The following PAPPA variants were observed in gnomAD, a reference collection of about 807,000 sequenced individuals.
PAPPA encodes pappalysin 1.
In PAPPA, 60 loss-of-function variants were observed where a neutral mutation model predicts 164.0. That is an observed-to-expected ratio of 0.37 (90% CI 0.30 to 0.45). The LOEUF (loss-of-function observed/expected upper bound fraction) is 0.45. Among genes scored for constraint, PAPPA ranks in the 20% least tolerant of loss-of-function variants. The pLI is 1.00. For synonymous variants in PAPPA, 875 were observed against 814.1 expected, an observed-to-expected ratio of 1.07 and a Z score of -1.27; for missense variants, 1,782 against 2,087.3, an observed-to-expected ratio of 0.85 and a Z score of 2.85.
rs369378738 is a variant in PAPPA at position 116,347,101 on chromosome 9, A to T, written c.3856A>T (p.Ser1286Cys). The T allele has an allele frequency of 1.2e-6, 2 of 1,614,192 alleles. No homozygotes were observed. Among genetic ancestry groups the T allele is most frequent in the Admixed American group, 1.7e-5 (1 of 60,030 alleles). The change falls in exon 15 of 22, where the codon AGC becomes TGC. Residue 1286 changes from serine (S) to cysteine (C), a missense_variant. This residue lies in a region of PAPPA where 1,324 missense variants were observed against 1,656.9 expected (regional missense o/e 0.80). Coordinates refer to ENST00000328252, the MANE Select transcript of PAPPA (RefSeq NM_002581.5). The surrounding 1 kb of genome is among the most constrained non-coding windows in gnomAD (Gnocchi z 4.5). ...GGTGGCCTGTGAGCCAGTCGACTGC[A>T]GCATCCCAGATCACCATCAAGTCTA... Reference protein sequence around the residue: ...KQVACEPVDCSIPDHHQVYAA... With the variant: ...KQVACEPVDCCIPDHHQVYAA...
chr9:116,305,535 G>A (rs1456512160), intron 10 of PAPPA, among the ~76,000 whole-genome samples: 1 of 152,018 alleles, frequency 6.6e-6, no homozygotes, highest in African/African-American at 2.4e-5. Context: ...TAGGAGCATG[G>A]GAGTACCAAA....
At chr9:116,337,512 TA>T (rs1199775306) in intron 13 of PAPPA, among the ~76,000 whole-genome samples, 1 of 152,216 alleles carries the variant, frequency 6.6e-6, no homozygotes, top group African/African-American at 2.4e-5. Context: ...CATCACTTTT[TA>T]TAACACAAAT....
In PAPPA at chr9:116,271,565, C is replaced by A; in HGVS notation, c.2953+149C>A. 1 of 644,066 alleles carries A rather than the reference C, an allele frequency of 1.6e-6. No individual in the cohort carries two copies. The highest frequency in any genetic ancestry group is 2.6e-5 in the Admixed American group (1 of 38,134). 39.9% of individuals were successfully genotyped at this position (644,066 alleles called of 1,614,324 possible). A position where few individuals can be genotyped will look rare whatever the true frequency, so the allele number is the denominator to read the frequency against. On this transcript the variant is annotated intron_variant, in intron 9 of 21. Transcript: ENST00000328252. This position sits in a 1 kb window ranked among gnomAD's most constrained non-coding sequence, Gnocchi z 4.2. ...TATTGAGTGCCTCCTACATGCCAGG[C>A]ACTGTTTTCAATATCGGGAAATACA...
Position 116,235,451 on chromosome 9 carries a change from A to T in PAPPA, c.2546A>T (p.Glu849Val). ...LTIRLWDVGEEVYGIQIYTLD... is the reference protein window; with the variant it reads ...LTIRLWDVGEVVYGIQIYTLD... ...ATCAGACTCTGGGACGTGGGCGAGGAGGTGTATGGCATCCAAATCTACACG... is the reference window on the plus strand; with the variant it reads ...ATCAGACTCTGGGACGTGGGCGAGGTGGTGTATGGCATCCAAATCTACACG... The change falls in exon 7 of 22, where the codon GAG (glutamate) becomes GTG (valine). Residue 849 changes from glutamate (E) to valine (V), a missense_variant. Physicochemically the swap from Glu to Val is moderately radical, Grantham distance 121. Transcript: ENST00000328252. 6.2e-7 allele frequency: 1 copy of T among 1,613,432 alleles called. No homozygotes were observed. The highest frequency in any genetic ancestry group is 8.5e-7 in the Non-Finnish European group (1 of 1,179,782).
intron 5 of PAPPA, among the ~76,000 whole-genome samples, chr9:116,223,529 A>AGC (rs1844470016): frequency 1.3e-5 from 2 of 152,196 alleles, no homozygotes; most frequent in Non-Finnish European, 2.9e-5. Context: ...TGAGGCTCAT[A>AGC]TAGTAGCTAT....
intron 2 of PAPPA, among the ~76,000 whole-genome samples, chr9:116,205,808 C>A (rs539353960): frequency 6.6e-6 from 1 of 152,270 alleles, no homozygotes; most frequent in South Asian, 2.1e-4. Flanking sequence ...AGTATTATCA[C>A]CCTCATTCTT....
At chr9:116,378,479 AC>A (rs1357274130) in intron 20 of PAPPA, among the ~76,000 whole-genome samples, 1 of 152,234 alleles carries the variant, frequency 6.6e-6, no homozygotes, top group Non-Finnish European at 1.5e-5. Context: ...ACTGAGGCAA[AC>A]GCAGGTGAAA....
At chr9:116,272,562 C>T (rs143400831) in intron 9 of PAPPA, among the ~76,000 whole-genome samples, 1 of 152,194 alleles carries the variant, frequency 6.6e-6, no homozygotes, top group Non-Finnish European at 1.5e-5. Context: ...ATTTGTTGAG[C>T]ACCTACTATC....
intron 1 of PAPPA, among the ~76,000 whole-genome samples, chr9:116,160,262 C>G (rs1587933545): frequency 1.3e-5 from 2 of 152,198 alleles, no homozygotes; most frequent in East Asian, 3.9e-4. Context: ...TCCATGCTGA[C>G]TTCCTCTGTT....
At chr9:116,350,585 C>A (rs979047) in intron 15 of PAPPA, among the ~76,000 whole-genome samples, 151,519 of 152,350 alleles carry the variant, frequency 0.99, 75,352 homozygotes, top group Middle Eastern at 1. Flanking sequence ...CATAATTTAC[C>A]ATATACATAG....
chr9:116,207,344 T>A, intron 2 of PAPPA, 112 bp from the exon 3 acceptor site: 1 of 777,684 alleles, frequency 1.3e-6, no homozygotes, highest in Non-Finnish European at 2.0e-6. Flanking sequence ...AGGTAGTATT[T>A]TTAAAGTGCT....
At chr9:116,264,361 G>T (rs1266406709) in intron 7 of PAPPA, among the ~76,000 whole-genome samples, 1 of 152,114 alleles carries the variant, frequency 6.6e-6, no homozygotes, top group African/African-American at 2.4e-5. Context: ...ATCTTCATTG[G>T]CAGAGCACTA....
intron 9 of PAPPA, among the ~76,000 whole-genome samples, chr9:116,284,034 A>C (rs1202469652): frequency 6.6e-6 from 1 of 152,176 alleles, no homozygotes; most frequent in East Asian, 1.9e-4. Context: ...TTAATTTATA[A>C]ACTTATTCAT....
chr9:116,335,206 G>T, intron 13 of PAPPA, 132 bp downstream of exon 13: 1 of 735,170 alleles, frequency 1.4e-6, no homozygotes, highest in Non-Finnish European at 2.2e-6. Context: ...CCATCCTCTG[G>T]CCTCTGGCCG....
intron 9 of PAPPA, 41 bp from the exon 10 acceptor site, chr9:116,302,716 T>C (rs1342193429): frequency 1.3e-6 from 2 of 1,545,664 alleles, no homozygotes; most frequent in Non-Finnish European, 1.8e-6. Flanking sequence ...AAAGAACAAA[T>C]ATTTATTTAT....
At chr9:116,278,856 G>C (rs889178845) in intron 9 of PAPPA, among the ~76,000 whole-genome samples, 4 of 152,188 alleles carry the variant, frequency 2.6e-5, no homozygotes, top group Admixed American at 2.0e-4. Flanking sequence ...TTAAGGAAAA[G>C]AATGACATAA....
chr9:116,268,758 A>G (rs1290812740), intron 8 of PAPPA, among the ~76,000 whole-genome samples: 2 of 145,380 alleles, frequency 1.4e-5, no homozygotes, highest in African/African-American at 5.1e-5. Context: ...CATCAAACAC[A>G]TGTTCAGTTA....
chr9:116,279,816 C>T (rs1482596314), intron 9 of PAPPA, among the ~76,000 whole-genome samples: 1 of 152,222 alleles, frequency 6.6e-6, no homozygotes. Context: ...GTATCAGGGC[C>T]TTTTCTTAGC....
At chr9:116,337,533 TTGTAGGAG>T in intron 13 of PAPPA, among the ~76,000 whole-genome samples, 1 of 152,300 alleles carries the variant, frequency 6.6e-6, no homozygotes, top group Non-Finnish European at 1.5e-5. Context: ...TTTCAACTGG[TTGTAGGAG>T]AAACATCCCA....
Sources: gnomAD v4.1 joint callset for allele counts (sites outside exome capture counted in the v4.1 genomes callset) on GRCh38, gnomAD v4.1.1 for gene constraint, gnomAD v4.1.1 regional missense constraint, Gnocchi (gnomAD v3.1) non-coding constraint, MANE v1.5 for transcripts, NCBI Gene and HGNC (gene_info 2026-07-23, HGNC 2026-07-21) for gene names.